UTS2B: variants seen among roughly 807,000 people sequenced by gnomAD.
UTS2B encodes urotensin-2B.
Under a neutral mutation model 19.2 loss-of-function variants are expected in UTS2B, and 21 were observed. The observed-to-expected ratio is 1.09, with a 90% CI of 0.78 to 1.58. The LOEUF (loss-of-function observed/expected upper bound fraction) is 1.58, where lower values mean the gene tolerates loss of function less well. Ranked by LOEUF, UTS2B falls within the 40% of genes most tolerant of loss-of-function variation. UTS2B has a pLI of 0.00. For synonymous variants in UTS2B, 57 were observed against 50.2 expected (o/e 1.14, Z -0.58); for missense variants, 138 against 130.3 (o/e 1.06, Z -0.29).
intron 8 of UTS2B, among the ~76,000 whole-genome samples, chr3:191,272,696 C>T (rs1576911918): frequency 6.7e-6 from 1 of 150,332 alleles, no homozygotes; most frequent in Admixed American, 6.7e-5. Flanking sequence ...CCTGTCTCTA[C>T]TGAAAATACA....
At position 191,282,083 on chromosome 3, in the gene UTS2B, G is replaced by T. The variant is rs6444534; in HGVS notation, c.103+4C>A. The stretch of plus-strand genomic sequence containing the variant: ...TGTAGGATTTTTAATTGATATGCAC[G>T]TACCTTGGGTAAGATATGGTCGTCC... On this transcript the variant is annotated splice_donor_region_variant and intron_variant, in intron 5 of 8. Coordinates refer to ENST00000340524, the MANE Select transcript of UTS2B (RefSeq NM_198152.5). The T allele has an allele frequency of 7.7e-5, 123 of 1,596,804 alleles. No homozygotes were observed. Among genetic ancestry groups the T allele is most frequent in the Non-Finnish European group, 9.4e-5 (110 of 1,166,750 alleles).
intron 4 of UTS2B, among the ~76,000 whole-genome samples, chr3:191,289,406 C>CTAAATAAA: frequency 1.1e-5 from 1 of 94,844 alleles, no homozygotes; most frequent in African/African-American, 5.2e-5. Context: ...AAGACTCCAT[C>CTAAATAAA]TCAATAAATA....
intron 3 of UTS2B, among the ~76,000 whole-genome samples, chr3:191,310,732 C>CAAAGTTATAATTTGGTT: frequency 7.0e-6 from 1 of 142,662 alleles, no homozygotes; most frequent in Non-Finnish European, 1.6e-5. Context: ...TAGCAATGAT[C>CAAAGTTATAATTTGGTT]AGAGTTATAA....
intron 2 of UTS2B, among the ~76,000 whole-genome samples, chr3:191,322,759 C>T (rs1717643440): frequency 6.6e-6 from 1 of 152,150 alleles, no homozygotes; most frequent in African/African-American, 2.4e-5. Flanking sequence ...GAAATGGGGT[C>T]TCATCAGGGC....
the UTS2B span, among the ~76,000 whole-genome samples, chr3:191,345,239 G>A: frequency 2.6e-5 from 4 of 152,108 alleles, no homozygotes; most frequent in African/African-American, 7.2e-5. Flanking sequence ...AGCAAAAAAA[G>A]GTTTTGGATT....
intron 4 of UTS2B, among the ~76,000 whole-genome samples, chr3:191,296,348 G>C (rs1023266294): frequency 6.6e-6 from 1 of 152,020 alleles, no homozygotes; most frequent in Non-Finnish European, 1.5e-5. Context: ...AATCTCCCCT[G>C]ATTTCTCCAG....
At chr3:191,302,142 T>G (rs1271681051) in intron 4 of UTS2B, among the ~76,000 whole-genome samples, 1 of 152,186 alleles carries the variant, frequency 6.6e-6, no homozygotes. Context: ...AAATTCAAGA[T>G]TGCGCTGAAA....
chr3:191,319,302 C>A, intron 2 of UTS2B, among the ~76,000 whole-genome samples: 1 of 152,210 alleles, frequency 6.6e-6, no homozygotes, highest in South Asian at 2.1e-4. Flanking sequence ...CTTGTGATAG[C>A]CATAGAAAAT....
At chr3:191,309,979 T>C (rs931750557) in intron 3 of UTS2B, among the ~76,000 whole-genome samples, 1 of 152,116 alleles carries the variant, frequency 6.6e-6, no homozygotes, top group Non-Finnish European at 1.5e-5. Context: ...TTTTCTTTCT[T>C]TGTGGCAGGG....
chr3:191,292,432 T>C (rs1043724731), intron 4 of UTS2B, among the ~76,000 whole-genome samples: 1 of 152,230 alleles, frequency 6.6e-6, no homozygotes, highest in Non-Finnish European at 1.5e-5. Context: ...AATTGTCCTA[T>C]AATTGATTTT....
intron 4 of UTS2B, among the ~76,000 whole-genome samples, chr3:191,287,286 T>A (rs1473165589): frequency 6.6e-6 from 1 of 151,988 alleles, no homozygotes; most frequent in African/African-American, 2.4e-5. Context: ...CAAAGCCAGA[T>A]AAAGACATTA....
chr3:191,270,194 C>T (rs190362461), intron 8 of UTS2B, among the ~76,000 whole-genome samples: 106 of 152,266 alleles, frequency 7.0e-4, no homozygotes, highest in Admixed American at 2.0e-3. Context: ...ATGGCAACAG[C>T]ACTGCACTTC....
At position 191,268,364 on chromosome 3, in the gene UTS2B, T is replaced by TA. The variant is rs1715998481; in HGVS notation, c.*51dup. 7.2e-7 allele frequency: 1 copy of TA among 1,381,630 alleles called. No homozygotes were observed. The highest frequency in any genetic ancestry group is 1.9e-5 in the Admixed American group (1 of 53,538). 85.6% of individuals were successfully genotyped at this position (1,381,630 alleles called of 1,614,324 possible). A position where few individuals can be genotyped will look rare whatever the true frequency, so the allele number is the denominator to read the frequency against. ...GTCTGCCTACAGCAGAGTGAGTAGA[T>TA]ACATATATTTTCCTGATATTCTTAT... is the stretch of plus-strand genomic sequence containing the variant. On this transcript the variant is annotated 3_prime_UTR_variant, in exon 9 of 9. Coordinates refer to ENST00000340524, the MANE Select transcript of UTS2B (RefSeq NM_198152.5).
chr3:191,279,437 T>C (rs138792332), intron 5 of UTS2B, among the ~76,000 whole-genome samples: 71 of 152,124 alleles, frequency 4.7e-4, no homozygotes, highest in African/African-American at 1.3e-3. Context: ...ATCTTTAAAA[T>C]GTTTTCATTG....
At chr3:191,281,411 CT>C (rs1230046769) in intron 5 of UTS2B, among the ~76,000 whole-genome samples, 1 of 151,900 alleles carries the variant, frequency 6.6e-6, no homozygotes, top group African/African-American at 2.4e-5. Context: ...TTAAGAGCTA[CT>C]TTTTCTATAG....
At chr3:191,276,263 G>A (rs926278005) in intron 7 of UTS2B, among the ~76,000 whole-genome samples, 7 of 152,134 alleles carry the variant, frequency 4.6e-5, no homozygotes, top group Admixed American at 4.6e-4. Flanking sequence ...GATGAGAATA[G>A]TTCTCTCTCC....
intron 4 of UTS2B, among the ~76,000 whole-genome samples, chr3:191,283,044 A>G (rs965969555): frequency 5.3e-5 from 8 of 152,172 alleles, no homozygotes; most frequent in Non-Finnish European, 1.2e-4. Context: ...CTTGTCCCAA[A>G]AGACTTTGGA....
chr3:191,340,049 C>T, the UTS2B span, among the ~76,000 whole-genome samples: 3 of 152,174 alleles, frequency 2.0e-5, no homozygotes, highest in Non-Finnish European at 4.4e-5. Flanking sequence ...ATGTATAATA[C>T]TTGTATCCAA....
intron 3 of UTS2B, among the ~76,000 whole-genome samples, chr3:191,314,967 G>A (rs1717406164): frequency 6.6e-6 from 1 of 151,720 alleles, no homozygotes; most frequent in Non-Finnish European, 1.5e-5. Flanking sequence ...TGATAAACTA[G>A]TAAGTGTAAG....
Sources: gnomAD v4.1 joint callset for allele counts (sites outside exome capture counted in the v4.1 genomes callset) on GRCh38, gnomAD v4.1.1 for gene constraint, MANE v1.5 for transcripts, NCBI Gene and HGNC (gene_info 2026-07-23, HGNC 2026-07-21) for gene names.